ALK: variants seen among roughly 807,000 people sequenced by gnomAD.
ALK encodes ALK receptor tyrosine kinase.
In ALK, 74 loss-of-function variants were observed where a neutral mutation model predicts 163.1. The ratio of observed to expected loss-of-function variants is 0.45; its 90% CI spans 0.38 to 0.55. The LOEUF is 0.55. ALK is among the 20% of genes least tolerant of loss of function. The pLI is 0.00. For missense variants in ALK, 2,063 were observed against 2,105.3 expected, an observed-to-expected ratio of 0.98 and a Z score of 0.39; for synonymous variants, 960 against 843.2, an observed-to-expected ratio of 1.14 and a Z score of -2.40.
intron 3 of ALK, among the ~76,000 whole-genome samples, chr2:29,664,506 T>C (rs2254208): frequency 0.84 from 127,481 of 151,972 alleles, 53,643 homozygotes; most frequent in African/African-American, 0.89. Flanking sequence ...GTGGCTACCC[T>C]TTCCTCATAC....
At chr2:29,753,939 A>T (rs1209361589) in intron 1 of ALK, among the ~76,000 whole-genome samples, 1 of 152,246 alleles carries the variant, frequency 6.6e-6, no homozygotes, top group African/African-American at 2.4e-5. Flanking sequence ...AAAATGTTTT[A>T]CATCTTGTTA....
At chr2:29,850,827 C>T (rs949315225) in intron 1 of ALK, among the ~76,000 whole-genome samples, 2 of 152,208 alleles carry the variant, frequency 1.3e-5, no homozygotes, top group African/African-American at 2.4e-5. Flanking sequence ...GCCCTTTCCT[C>T]GTCCAGGAAG....
At chr2:29,704,223 A>G (rs977324601) in intron 2 of ALK, among the ~76,000 whole-genome samples, 3 of 152,198 alleles carry the variant, frequency 2.0e-5, no homozygotes, top group African/African-American at 7.2e-5. Context: ...GCATTCTTAA[A>G]ACACTGTCAG....
chr2:29,916,292 TAAA>T (rs1161390586), intron 1 of ALK, among the ~76,000 whole-genome samples: 2 of 152,240 alleles, frequency 1.3e-5, no homozygotes, highest in Non-Finnish European at 2.9e-5. Context: ...TGGGCCACGC[TAAA>T]TAACTCCTCT....
intron 1 of ALK, among the ~76,000 whole-genome samples, chr2:29,723,858 C>T (rs1371177663): frequency 6.6e-6 from 1 of 152,192 alleles, no homozygotes; most frequent in Non-Finnish European, 1.5e-5. Flanking sequence ...CATCTTGTGT[C>T]AATAATTACA....
intron 1 of ALK, among the ~76,000 whole-genome samples, chr2:29,917,240 T>C (rs1314570810): frequency 3.3e-5 from 5 of 151,922 alleles, no homozygotes; most frequent in African/African-American, 1.2e-4. Context: ...AGCTCTTCCC[T>C]CCCCCACAAA....
intron 4 of ALK, among the ~76,000 whole-genome samples, chr2:29,509,250 G>A (rs979186806): frequency 2.6e-5 from 4 of 151,906 alleles, no homozygotes; most frequent in African/African-American, 7.3e-5. Context: ...TATTGATTTC[G>A]GCTTCATCTC....
intron 8 of ALK, among the ~76,000 whole-genome samples, chr2:29,304,582 C>T (rs777147657): frequency 1.3e-5 from 2 of 152,108 alleles, no homozygotes; most frequent in African/African-American, 2.4e-5. Context: ...TGTGACTCAT[C>T]CCATGACCTT....
At chr2:29,301,756 C>A (rs1023393856) in intron 8 of ALK, among the ~76,000 whole-genome samples, 3 of 152,218 alleles carry the variant, frequency 2.0e-5, no homozygotes, top group African/African-American at 7.2e-5. Context: ...AGGGGCCAGC[C>A]AGCAGCTGAG....
chr2:29,229,750 C>T (rs7579343), intron 15 of ALK, among the ~76,000 whole-genome samples: 2,622 of 152,240 alleles, frequency 0.017, 84 homozygotes, highest in African/African-American at 0.059. Flanking sequence ...GTCAGGGGCT[C>T]GAGAGGCAGA....
chr2:29,590,209 C>T (rs1675007782), intron 3 of ALK, among the ~76,000 whole-genome samples: 1 of 152,188 alleles, frequency 6.6e-6, no homozygotes, highest in South Asian at 2.1e-4. Flanking sequence ...TTTAATTTCT[C>T]TGAACATTCT....
At chr2:29,286,218 G>C (rs1665852758) in intron 9 of ALK, among the ~76,000 whole-genome samples, 1 of 152,202 alleles carries the variant, frequency 6.6e-6, no homozygotes, top group African/African-American at 2.4e-5. Flanking sequence ...GTGTGCTACT[G>C]TTTGCCTGTG....
intron 4 of ALK, among the ~76,000 whole-genome samples, chr2:29,449,429 TTTCTTCAAACTGC>T (rs1670767900): frequency 6.6e-6 from 1 of 152,190 alleles, no homozygotes; most frequent in South Asian, 2.1e-4. Flanking sequence ...TTTCCTAACT[TTTCTTCAAACTGC>T]TTGGCAAATT....
chr2:29,476,881 G>A lies in ALK; in HGVS notation c.1154+55034C>T, dbSNP rs541453966. ...GTATAGCTAGGAATTTGTTACTAAT[G>A]ACTCTCTGGGTATTGATCACCTTGC... On this transcript the variant is annotated intron_variant, in intron 4 of 28. Transcript: ENST00000389048. Among the ~76,000 whole-genome samples, 6 of 152,304 alleles carry A rather than the reference G, an allele frequency of 3.9e-5. No homozygotes were observed. The South Asian group carries it at 1.2e-3, about 32-fold the overall frequency.
At chr2:29,644,751 T>C (rs1483869006) in intron 3 of ALK, among the ~76,000 whole-genome samples, 1 of 152,128 alleles carries the variant, frequency 6.6e-6, no homozygotes, top group Non-Finnish European at 1.5e-5. Context: ...CAACCTTTAC[T>C]AGAAACAAAT....
intron 4 of ALK, among the ~76,000 whole-genome samples, chr2:29,456,605 AAGATGAAAAACATTCTGG>A (rs1670961480): frequency 6.6e-6 from 1 of 152,184 alleles, no homozygotes; most frequent in Non-Finnish European, 1.5e-5. Context: ...TACAGTTTTC[AAGATGAAAAACATTCTGG>A]AGTTGGATGG....
At chr2:29,590,553 T>C (rs959549675) in intron 3 of ALK, among the ~76,000 whole-genome samples, 5 of 152,176 alleles carry the variant, frequency 3.3e-5, no homozygotes, top group Non-Finnish European at 5.9e-5. Flanking sequence ...AGATATCTGA[T>C]AAGGTTTCTC....
rs909691382 is a variant in ALK at position 29,563,196 on chromosome 2, CTCATAA to C, written c.953-31086_953-31081del. ...AAATTCAATGTAGGTATATTGAATA[CTCATAA>C]TCTGTGCTAGATACCTGGGTAGGGT... On this transcript the variant is annotated intron_variant, in intron 3 of 28. Coordinates refer to ENST00000389048, the MANE Select transcript of ALK (RefSeq NM_004304.5). Among the ~76,000 whole-genome samples, 23 of 152,326 alleles carry C rather than the reference CTCATAA, an allele frequency of 1.5e-4. No homozygotes were observed. The East Asian group carries it at 2.9e-3, about 19-fold the overall frequency.
intron 11 of ALK, among the ~76,000 whole-genome samples, chr2:29,270,425 G>A (rs545131882): frequency 1.3e-5 from 2 of 152,342 alleles, no homozygotes; most frequent in East Asian, 1.9e-4. Flanking sequence ...GGATTGCTGC[G>A]TGAAGAGGGA....
Sources: gnomAD v4.1 joint callset for allele counts (sites outside exome capture counted in the v4.1 genomes callset) on GRCh38, gnomAD v4.1.1 for gene constraint, MANE v1.5 for transcripts, NCBI Gene and HGNC (gene_info 2026-07-23, HGNC 2026-07-21) for gene names.